The following AFAP1 variants were observed in gnomAD, a reference collection of about 807,000 sequenced individuals.
AFAP1 encodes the protein actin filament-associated protein 1.
A neutral mutation model predicts 93.9 loss-of-function variants in AFAP1; 75 were observed. The ratio of observed to expected loss-of-function variants is 0.80; its 90% CI spans 0.66 to 0.97. The LOEUF (loss-of-function observed/expected upper bound fraction) is 0.97. Ranked by LOEUF, AFAP1 falls within the 50% of genes least tolerant of loss-of-function variation. The pLI, the probability that AFAP1 is intolerant of heterozygous loss-of-function variation, is 0.00. For missense variants in AFAP1, 1,201 were observed against 1,050.8 expected, an observed-to-expected ratio of 1.14 and a Z score of -1.98; for synonymous variants, 517 against 430.7, an observed-to-expected ratio of 1.20 and a Z score of -2.48.
rs1560144653 is a variant in AFAP1, at chr4:7,769,140, G to A, written c.2254-132C>T. 72 of 1,220,004 alleles carry A rather than the reference G, an allele frequency of 5.9e-5. No homozygotes were observed. The South Asian group carries it at 1.1e-3, about 19-fold the overall frequency. The allele number at this position is 1,220,004 out of a possible 1,614,324, so 75.6% of individuals were successfully genotyped here. A position where few individuals can be genotyped will look rare whatever the true frequency, so the allele number is the denominator to read the frequency against. On this transcript the variant is annotated intron_variant, in intron 16 of 17. Coordinates refer to ENST00000420658, the MANE Select transcript of AFAP1 (RefSeq NM_001134647.2). ...CAAAAATAACAGCAGTAGCAGCAAG[G>A]ACTGCCACGTGGTCAGTGCCTCACC...
chr4:7,763,844 A>G lies in AFAP1; in HGVS notation c.2419-53T>C, dbSNP rs996135561. The G allele has an allele frequency of 8.4e-6, 13 of 1,539,534 alleles. No homozygotes were observed. The South Asian group carries it at 1.6e-4, about 18-fold the overall frequency. On this transcript the variant is annotated intron_variant, in intron 17 of 17. Coordinates refer to ENST00000420658, the MANE Select transcript of AFAP1 (RefSeq NM_001134647.2). Reference sequence around the variant, plus strand: ...GACAGGGCAAGAGGATCAGGCTGGGACAAGCCACGCCACCATCCACATTCA... The same window carrying G: ...GACAGGGCAAGAGGATCAGGCTGGGGCAAGCCACGCCACCATCCACATTCA...
intron 8 of AFAP1, among the ~76,000 whole-genome samples, chr4:7,814,954 T>C (rs1720346131): frequency 6.6e-6 from 1 of 152,238 alleles, no homozygotes; most frequent in Non-Finnish European, 1.5e-5. Flanking sequence ...TATTTGCACA[T>C]CCATGCTCAC....
chr4:7,765,767 C>T (rs932076224), intron 17 of AFAP1, among the ~76,000 whole-genome samples: 4 of 152,224 alleles, frequency 2.6e-5, no homozygotes, highest in Non-Finnish European at 5.9e-5. Flanking sequence ...ACCTTCTGTG[C>T]CTCAGCCACT....
chr4:7,901,063 A>G (rs1719086973), intron 1 of AFAP1, among the ~76,000 whole-genome samples: 1 of 152,220 alleles, frequency 6.6e-6, no homozygotes, highest in African/African-American at 2.4e-5. Flanking sequence ...ATATGAAAGC[A>G]CTTTCTATGT....
chr4:7,884,665 A>AC (rs1194657378), intron 1 of AFAP1, among the ~76,000 whole-genome samples: 1 of 152,220 alleles, frequency 6.6e-6, no homozygotes, highest in Non-Finnish European at 1.5e-5. Context: ...TCCTTACCTT[A>AC]CGTACACCAG....
chr4:7,934,205 C>T (rs897876948), intron 1 of AFAP1, among the ~76,000 whole-genome samples: 6 of 152,164 alleles, frequency 3.9e-5, no homozygotes, highest in African/African-American at 1.4e-4. Context: ...AGAAACCTCC[C>T]AATGCTTGTC....
chr4:7,861,168 G>C (rs1237693404), intron 3 of AFAP1, among the ~76,000 whole-genome samples: 1 of 152,188 alleles, frequency 6.6e-6, no homozygotes, highest in Admixed American at 6.5e-5. Flanking sequence ...AAATCTGTTA[G>C]GAGTAACAGC....
intron 1 of AFAP1, among the ~76,000 whole-genome samples, chr4:7,925,707 T>A (rs1427884621): frequency 6.6e-6 from 1 of 152,130 alleles, no homozygotes; most frequent in Non-Finnish European, 1.5e-5. Flanking sequence ...TAGCCAGGCA[T>A]GGTGGCGCAT....
Position 7,759,003 on chromosome 4 carries a change from C to CAAAGAAA in AFAP1, c.*4761_*4762insTTTCTTT, listed in dbSNP as rs1713397565. ...TAAAAAAATCTTTGCTGTTTCTTTG[C>CAAAGAAA]CTGTTTCTTTCAAAGAGAATTTTAA... On this transcript the variant is annotated 3_prime_UTR_variant, in exon 18 of 18. Coordinates refer to ENST00000420658, the MANE Select transcript of AFAP1 (RefSeq NM_001134647.2). The CAAAGAAA allele has an allele frequency of 1.3e-5, 2 of 152,472 alleles. No individual in the cohort carries two copies. The highest frequency in any genetic ancestry group is 4.8e-5 in the African/African-American group (2 of 41,418). The allele number at this position is 152,472 out of a possible 1,614,324, so 9.4% of individuals were successfully genotyped here.
At chr4:7,789,946 T>A (rs1037068675) in intron 11 of AFAP1, among the ~76,000 whole-genome samples, 1 of 152,226 alleles carries the variant, frequency 6.6e-6, no homozygotes, top group East Asian at 1.9e-4. Flanking sequence ...TATGTTTCGA[T>A]TGTTTACCAT....
At chr4:7,783,144 A>C (rs1716937152) in intron 12 of AFAP1, among the ~76,000 whole-genome samples, 1 of 152,074 alleles carries the variant, frequency 6.6e-6, no homozygotes, top group Non-Finnish European at 1.5e-5. Context: ...CATAAATATG[A>C]ACTTTTTTTT....
intron 6 of AFAP1, among the ~76,000 whole-genome samples, chr4:7,826,488 G>T (rs891417801): frequency 6.6e-6 from 1 of 152,238 alleles, no homozygotes; most frequent in South Asian, 2.1e-4. Flanking sequence ...AAAGCCAGAG[G>T]CAAGACTGCA....
In AFAP1 at chr4:7,774,739, C is replaced by T. The variant is rs150565936; in HGVS notation, c.2062G>A (p.Gly688Ser). ...DLRAAIEVNA[G>S]RKPQAILEEK... Reference sequence around the variant, plus strand: ...GGGCAGTCACCCACACCCTTCATACCGGCGTTCACTTCAATAGCCGCTCGA... The same window carrying T: ...GGGCAGTCACCCACACCCTTCATACTGGCGTTCACTTCAATAGCCGCTCGA... Residue 688 changes from glycine to serine, a missense_variant and splice_region_variant, in exon 15 of 18, where the codon GGC becomes AGC. Gly to Ser is a moderately conservative substitution (Grantham distance 56). Transcript: ENST00000420658. 43 of 1,613,928 alleles carry T rather than the reference C, an allele frequency of 2.7e-5. No individual in the cohort carries two copies. The highest frequency in any genetic ancestry group is 3.4e-5 in the Non-Finnish European group (40 of 1,179,936).
intron 10 of AFAP1, among the ~76,000 whole-genome samples, chr4:7,796,198 C>T (rs1718402609): frequency 6.6e-6 from 1 of 152,110 alleles, no homozygotes; most frequent in African/African-American, 2.4e-5. Flanking sequence ...CGCCATTCTC[C>T]ACTAAAAGGA....
chr4:7,866,952 T>C (rs958482950), intron 3 of AFAP1, among the ~76,000 whole-genome samples: 7 of 151,000 alleles, frequency 4.6e-5, no homozygotes, highest in African/African-American at 1.7e-4. Context: ...GGAGAGAGGA[T>C]TGCTTGAGTC....
At chr4:7,814,788 T>C (rs1409665362) in intron 8 of AFAP1, among the ~76,000 whole-genome samples, 2 of 152,138 alleles carry the variant, frequency 1.3e-5, no homozygotes, top group African/African-American at 2.4e-5. Flanking sequence ...GCACAGGGGC[T>C]GGGGGGTTAG....
intron 2 of AFAP1, among the ~76,000 whole-genome samples, chr4:7,871,413 C>T (rs1560212658): frequency 6.6e-6 from 1 of 152,232 alleles, no homozygotes; most frequent in Middle Eastern, 3.4e-3. Context: ...CCTAGAGGAC[C>T]GGACCCAAGT....
intron 6 of AFAP1, among the ~76,000 whole-genome samples, chr4:7,833,821 C>A (rs889681117): frequency 2.0e-5 from 3 of 152,062 alleles, no homozygotes; most frequent in African/African-American, 7.2e-5. Context: ...ATCTCCTGAC[C>A]TTGTGATCTG....
At chr4:7,898,149 C>T (rs972177543) in intron 1 of AFAP1, among the ~76,000 whole-genome samples, 9 of 152,250 alleles carry the variant, frequency 5.9e-5, no homozygotes, top group African/African-American at 2.2e-4. Flanking sequence ...GTGGCTCACG[C>T]CTGTAATCCC....
Sources: gnomAD v4.1 joint callset for allele counts (sites outside exome capture counted in the v4.1 genomes callset) on GRCh38, gnomAD v4.1.1 for gene constraint, MANE v1.5 for transcripts, NCBI Gene and HGNC (gene_info 2026-07-23, HGNC 2026-07-21) for gene names.